ATL2: variants seen among roughly 807,000 people sequenced by gnomAD.
ATL2 encodes the protein atlastin GTPase 2.
Under a neutral mutation model 73.9 loss-of-function variants are expected in ATL2, and 31 were observed. That is an observed-to-expected ratio of 0.42 (90% CI 0.32 to 0.57). The LOEUF (loss-of-function observed/expected upper bound fraction) is 0.57, where lower values mean the gene tolerates loss of function less well. Ranked by LOEUF, ATL2 falls within the 20% of genes least tolerant of loss-of-function variation. ATL2 has a pLI of 0.14. For missense variants in ATL2, 738 were observed against 702.6 expected, an observed-to-expected ratio of 1.05 and a Z score of -0.57; for synonymous variants, 291 against 237.5, an observed-to-expected ratio of 1.23 and a Z score of -2.07.
chr2:38,368,213 CGT>C, intron 1 of ATL2, among the ~76,000 whole-genome samples: 1 of 151,424 alleles, frequency 6.6e-6, no homozygotes, highest in African/African-American at 2.4e-5. Flanking sequence ...GCATTACAGG[CGT>C]AAGCCACCGC....
chr2:38,344,680 T>C (rs1667781063), intron 1 of ATL2, among the ~76,000 whole-genome samples: 2 of 152,182 alleles, frequency 1.3e-5, no homozygotes, highest in Admixed American at 6.5e-5. Context: ...ATTAGGGTTC[T>C]AACAAGTTTC....
intron 9 of ATL2, among the ~76,000 whole-genome samples, chr2:38,301,807 C>T (rs1178252470): frequency 6.6e-6 from 1 of 152,176 alleles, no homozygotes; most frequent in African/African-American, 2.4e-5. Context: ...GGCTCAGAGC[C>T]AGTGGACCTG....
At chr2:38,348,101 T>A (rs186437994) in intron 1 of ATL2, among the ~76,000 whole-genome samples, 3 of 152,056 alleles carry the variant, frequency 2.0e-5, no homozygotes, top group Non-Finnish European at 4.4e-5. Flanking sequence ...AATATGATAA[T>A]CAAATAGCTT....
intron 7 of ATL2, 139 bp downstream of exon 7, chr2:38,313,008 TACAA>T (rs1377297938): frequency 2.4e-5 from 14 of 585,150 alleles, no homozygotes; most frequent in Admixed American, 3.3e-5. Context: ...TTTCATCAAT[TACAA>T]ACAGAGTCAC....
At chr2:38,359,415 T>C (rs1048441038) in intron 1 of ATL2, 9 of 150,054 alleles carry the variant, frequency 6.0e-5, no homozygotes, top group African/African-American at 2.2e-4. Flanking sequence ...GAGAGGGAGG[T>C]TGCAGTGAGA....
intron 1 of ATL2, among the ~76,000 whole-genome samples, chr2:38,371,676 T>C (rs998990351): frequency 6.6e-6 from 1 of 152,002 alleles, no homozygotes; most frequent in Admixed American, 6.6e-5. Flanking sequence ...GGTGGGTGGA[T>C]CACCTGAGGT....
chr2:38,377,005 G>C, intron 1 of ATL2, 138 bp downstream of exon 1: 1 of 610,872 alleles, frequency 1.6e-6, no homozygotes, highest in East Asian at 3.7e-5. Context: ...TAGGCCCGGC[G>C]GGCAGGCGCG....
chr2:38,325,310 AAG>A (rs1668536662), intron 2 of ATL2, among the ~76,000 whole-genome samples: 1 of 152,162 alleles, frequency 6.6e-6, no homozygotes, highest in Non-Finnish European at 1.5e-5. Flanking sequence ...GCAAAATCAC[AAG>A]AGACAAACTA....
At chr2:38,350,137 A>G (rs968913957) in intron 1 of ATL2, among the ~76,000 whole-genome samples, 1 of 152,232 alleles carries the variant, frequency 6.6e-6, no homozygotes, top group Non-Finnish European at 1.5e-5. Flanking sequence ...TTTTAAACTG[A>G]AGTTACGTCC....
intron 2 of ATL2, among the ~76,000 whole-genome samples, chr2:38,324,050 C>T (rs1318259840): frequency 2.0e-5 from 3 of 152,214 alleles, no homozygotes; most frequent in Non-Finnish European, 4.4e-5. Flanking sequence ...CCGAGGCGGG[C>T]GGATCACCTG....
Position 38,296,014 on chromosome 2 carries a change from CATG to C in ATL2, c.1729_1731del (p.His577del). Reference sequence around the variant, plus strand: ...AACTGTCAGTCTGTCTTTAATCTGGCATGATGAGACACCTGGTCAGTCAGGCCT... The same window carrying C: ...AACTGTCAGTCTGTCTTTAATCTGGCATGAGACACCTGGTCAGTCAGGCCT... On this transcript the variant is annotated inframe_deletion, in exon 13 of 13. Coordinates refer to ENST00000378954, the MANE Select transcript of ATL2 (RefSeq NM_001135673.4). 4 of 1,551,004 alleles carry C rather than the reference CATG, an allele frequency of 2.6e-6. No individual in the cohort carries two copies. Among genetic ancestry groups the C allele is most frequent in the South Asian group, 1.2e-5 (1 of 84,024 alleles).
At chr2:38,296,773 G>A in intron 12 of ATL2, 1 of 1,546,084 alleles carries the variant, frequency 6.5e-7, no homozygotes, top group Non-Finnish European at 8.7e-7. Flanking sequence ...TCTCTGACTA[G>A]CTGATTACCT....
chr2:38,349,881 A>G (rs190975911), intron 1 of ATL2, among the ~76,000 whole-genome samples: 71 of 152,330 alleles, frequency 4.7e-4, no homozygotes, highest in Non-Finnish European at 9.1e-4. Flanking sequence ...GGTAGCAAAT[A>G]GATTTCAAAA....
intron 2 of ATL2, among the ~76,000 whole-genome samples, chr2:38,338,568 C>T (rs1669511903): frequency 6.6e-6 from 1 of 151,568 alleles, no homozygotes; most frequent in South Asian, 2.1e-4. Context: ...GGAGAAGATA[C>T]ACCTCTTCCC....
At chr2:38,324,051 G>T (rs1229324476) in intron 2 of ATL2, among the ~76,000 whole-genome samples, 1 of 152,182 alleles carries the variant, frequency 6.6e-6, no homozygotes. Context: ...CGAGGCGGGC[G>T]GATCACCTGA....
At chr2:38,330,507 C>T (rs916802630) in intron 2 of ATL2, among the ~76,000 whole-genome samples, 13 of 151,990 alleles carry the variant, frequency 8.6e-5, no homozygotes, top group African/African-American at 2.9e-4. Flanking sequence ...ATAGAAAACT[C>T]GAAGGAATCC....
At chr2:38,343,149 T>TAAA (rs59215933) in intron 2 of ATL2, 119 bp downstream of exon 2, 11 of 364,534 alleles carry the variant, frequency 3.0e-5, no homozygotes, top group African/African-American at 8.5e-5. Context: ...CCACTTAAAT[T>TAAA]AAAAAAAAAA....
chr2:38,371,187 ATC>A (rs1671668185), intron 1 of ATL2, among the ~76,000 whole-genome samples: 1 of 150,944 alleles, frequency 6.6e-6, no homozygotes, highest in Non-Finnish European at 1.5e-5. Flanking sequence ...TATAGGGTTT[ATC>A]TCTTTAATTA....
intron 1 of ATL2, among the ~76,000 whole-genome samples, chr2:38,371,333 C>G (rs1476498280): frequency 2.6e-5 from 4 of 151,872 alleles, no homozygotes; most frequent in African/African-American, 7.2e-5. Flanking sequence ...ACAGGGAGAC[C>G]ACATCTCCAC....
Sources: allele counts gnomAD v4.1 joint callset (sites outside exome capture counted in the v4.1 genomes callset), GRCh38; gene constraint gnomAD v4.1.1; transcripts MANE v1.5; gene names NCBI Gene and HGNC (gene_info 2026-07-23, HGNC 2026-07-21).